SLAIN2: variants seen among roughly 807,000 people sequenced by gnomAD.
SLAIN2 encodes the protein SLAIN family member 2, also known as SLAIN motif-containing protein 2.
In SLAIN2, 31 loss-of-function variants were observed where a neutral mutation model predicts 56.6. That is an observed-to-expected ratio of 0.55 (90% CI 0.41 to 0.74). The LOEUF is 0.74. Among genes scored for constraint, SLAIN2 ranks in the 30% least tolerant of loss-of-function variants. The pLI, the probability that SLAIN2 is intolerant of heterozygous loss-of-function variation, is 0.00. For missense variants in SLAIN2, 777 were observed against 754.2 expected (o/e 1.03, Z -0.35); for synonymous variants, 317 against 284.9 (o/e 1.11, Z -1.13).
At chr4:48,385,547 G>A (rs1272514000) in intron 6 of SLAIN2, among the ~76,000 whole-genome samples, 6 of 152,126 alleles carry the variant, frequency 3.9e-5, no homozygotes, top group Admixed American at 6.6e-5. Flanking sequence ...TGATACAAAC[G>A]AGTTTGTTGA....
At chr4:48,382,534 T>C (rs762050101) in intron 4 of SLAIN2, 34 bp from the exon 5 acceptor site, 2 of 1,442,274 alleles carry the variant, frequency 1.4e-6, no homozygotes, top group Non-Finnish European at 9.2e-7. Context: ...TGTTTAAAAA[T>C]ATTGTTTAAA....
chr4:48,419,671 A>G (rs1019371122), intron 6 of SLAIN2, among the ~76,000 whole-genome samples: 2 of 152,218 alleles, frequency 1.3e-5, no homozygotes, highest in African/African-American at 4.8e-5. Flanking sequence ...AGTGTCAGTA[A>G]TATGGGATTT....
intron 6 of SLAIN2, among the ~76,000 whole-genome samples, chr4:48,393,860 G>A (rs542776002): frequency 1.6e-4 from 24 of 152,238 alleles, no homozygotes; most frequent in South Asian, 1.2e-3. Context: ...TTTCAGTGCA[G>A]TTAATAGATT....
At position 48,424,954 on chromosome 4, in the gene SLAIN2, C is replaced by T. The variant is rs1717262714; in HGVS notation, c.*2877C>T. The T allele has an allele frequency of 2.0e-5, 3 of 152,066 alleles. No homozygotes were observed. The South Asian group carries it at 6.2e-4, about 32-fold the overall frequency. The allele number at this position is 152,066 out of a possible 1,614,324, so 9.4% of individuals were successfully genotyped here. On this transcript the variant is annotated 3_prime_UTR_variant, in exon 8 of 8. Coordinates refer to ENST00000264313, the MANE Select transcript of SLAIN2 (RefSeq NM_020846.2). Reference sequence around the variant, plus strand: ...GTTTGATTTGCAAACATTTCTATAGCCGAACTTGTATATGTGGTTGCCTCC... The same window carrying T: ...GTTTGATTTGCAAACATTTCTATAGTCGAACTTGTATATGTGGTTGCCTCC...
chr4:48,387,009 A>G (rs1490579736), intron 6 of SLAIN2, among the ~76,000 whole-genome samples: 1 of 152,210 alleles, frequency 6.6e-6, no homozygotes, highest in East Asian at 1.9e-4. Flanking sequence ...AGATGCTTTC[A>G]TATTTAGTTT....
At chr4:48,359,547 CTA>C (rs900788801) in intron 1 of SLAIN2, among the ~76,000 whole-genome samples, 3 of 152,010 alleles carry the variant, frequency 2.0e-5, no homozygotes, top group African/African-American at 7.3e-5. Flanking sequence ...TAATATATGT[CTA>C]TGTGAAGAAA....
chr4:48,372,477 G>A (rs1454807533), intron 2 of SLAIN2, among the ~76,000 whole-genome samples: 1 of 152,198 alleles, frequency 6.6e-6, no homozygotes, highest in East Asian at 1.9e-4. Flanking sequence ...AATGTAACAG[G>A]TAGTGGACTA....
chr4:48,354,115 C>G (rs1325696631), intron 1 of SLAIN2, among the ~76,000 whole-genome samples: 1 of 151,098 alleles, frequency 6.6e-6, no homozygotes, highest in African/African-American at 2.4e-5. Context: ...TATGGCAAAA[C>G]AGCAACAAAA....
intron 6 of SLAIN2, among the ~76,000 whole-genome samples, chr4:48,386,409 T>C (rs1255131027): frequency 6.6e-6 from 1 of 152,212 alleles, no homozygotes; most frequent in Non-Finnish European, 1.5e-5. Flanking sequence ...TGGATCTCAA[T>C]AGGTGAGAGT....
chr4:48,384,065 G>A (rs1277497914), intron 6 of SLAIN2, among the ~76,000 whole-genome samples: 1 of 152,038 alleles, frequency 6.6e-6, no homozygotes, highest in Non-Finnish European at 1.5e-5. Flanking sequence ...TATTAAAAAA[G>A]TAGGTGTAGC....
intron 6 of SLAIN2, among the ~76,000 whole-genome samples, chr4:48,408,098 C>T (rs115759741): frequency 0.021 from 3,169 of 152,058 alleles, 116 homozygotes; most frequent in African/African-American, 0.072. Context: ...GCACTTTGGG[C>T]GGCTGAGGTA....
At chr4:48,394,628 G>A in intron 6 of SLAIN2, 2 of 1,535,834 alleles carry the variant, frequency 1.3e-6, no homozygotes, top group Non-Finnish European at 1.7e-6. Flanking sequence ...CCAAACAGTT[G>A]CTTCAAACTT....
At chr4:48,345,266 C>G (rs1714831104) in intron 1 of SLAIN2, among the ~76,000 whole-genome samples, 1 of 152,196 alleles carries the variant, frequency 6.6e-6, no homozygotes, top group Non-Finnish European at 1.5e-5. Flanking sequence ...ACTGCTGACC[C>G]TTTCTCCCTG....
chr4:48,371,658 A>C (rs904706373), intron 2 of SLAIN2, among the ~76,000 whole-genome samples: 4 of 152,272 alleles, frequency 2.6e-5, no homozygotes, highest in Admixed American at 2.0e-4. Context: ...GAAAGAAAAA[A>C]GAATATTCCT....
chr4:48,347,780 C>A (rs904220222), intron 1 of SLAIN2, among the ~76,000 whole-genome samples: 2 of 152,172 alleles, frequency 1.3e-5, no homozygotes, highest in African/African-American at 2.4e-5. Context: ...TTTCCATGGA[C>A]GCCAGCCCCT....
intron 1 of SLAIN2, among the ~76,000 whole-genome samples, chr4:48,367,719 C>CTT (rs1715556142): frequency 6.6e-6 from 1 of 151,856 alleles, no homozygotes; most frequent in African/African-American, 2.4e-5. Context: ...TTGAAGATGC[C>CTT]AAAGCACTTT....
chr4:48,376,813 C>T (rs1715827070), intron 2 of SLAIN2, among the ~76,000 whole-genome samples: 1 of 150,496 alleles, frequency 6.6e-6, no homozygotes, highest in Non-Finnish European at 1.5e-5. Context: ...TTAGTAGAGA[C>T]GGGGTTTCAC....
At position 48,370,014 on chromosome 4, in the gene SLAIN2, G is replaced by C; in HGVS notation, c.538+17G>C. On this transcript the variant is annotated intron_variant, in intron 2 of 7. Transcript: ENST00000264313. ...CTATGTCAGGTATGTCTATAATTTT[G>C]CTTGTAAATTCATCTCTTTGCTTTC... 1 of 1,607,286 alleles carries C rather than the reference G, an allele frequency of 6.2e-7. No individual in the cohort carries two copies. Among genetic ancestry groups the C allele is most frequent in the Admixed American group, 1.7e-5 (1 of 59,086 alleles).
chr4:48,345,945 C>T (rs956956906), intron 1 of SLAIN2, among the ~76,000 whole-genome samples: 5 of 151,802 alleles, frequency 3.3e-5, no homozygotes. Flanking sequence ...ATTGCTAGTT[C>T]TATCTATTAT....
Sources: allele counts gnomAD v4.1 joint callset (sites outside exome capture counted in the v4.1 genomes callset), GRCh38; gene constraint gnomAD v4.1.1; transcripts MANE v1.5; gene names NCBI Gene and HGNC (gene_info 2026-07-23, HGNC 2026-07-21).